The following CNTNAP3 variants were observed in gnomAD, a reference collection of about 807,000 sequenced individuals.
The protein encoded by CNTNAP3 is contactin-associated protein-like 3.
In CNTNAP3, 36 loss-of-function variants were observed where a neutral mutation model predicts 92.1. The observed-to-expected ratio is 0.39, with a 90% CI of 0.30 to 0.52. The LOEUF is 0.52. CNTNAP3 is among the 20% of genes least tolerant of loss of function. CNTNAP3 has a pLI of 0.76. For missense variants in CNTNAP3, 534 were observed against 1,069.6 expected (o/e 0.50, Z 6.98); for synonymous variants, 232 against 422.3 (o/e 0.55, Z 5.53).
In CNTNAP3 at chr9:39,068,188, C is replaced by T. The variant is rs1825552965; in HGVS notation, c.*5702G>A. Among the ~76,000 whole-genome samples, 1 of 152,026 alleles carries T rather than the reference C, an allele frequency of 6.6e-6. No individual in the cohort carries two copies. The highest frequency in any genetic ancestry group is 2.1e-4 in the South Asian group (1 of 4,832). On this transcript the variant is annotated 3_prime_UTR_variant, in exon 24 of 24. Transcript: ENST00000297668. Reference sequence around the variant, plus strand: ...GCTGAGGTGGGCAGATCATGAGATCCAGAGATCGAGACCATCCTGGCTAAC... The same window carrying T: ...GCTGAGGTGGGCAGATCATGAGATCTAGAGATCGAGACCATCCTGGCTAAC...
intron 4 of CNTNAP3, among the ~76,000 whole-genome samples, chr9:39,179,391 CA>C (rs1206769365): frequency 2.3e-5 from 2 of 85,306 alleles, no homozygotes; most frequent in East Asian, 6.7e-4. Context: ...CCCTGTCTGA[CA>C]AAGGCACAGA....
chr9:39,134,139 C>T (rs566400035), intron 12 of CNTNAP3, among the ~76,000 whole-genome samples: 228 of 152,168 alleles, frequency 1.5e-3, no homozygotes, highest in African/African-American at 5.0e-3. Flanking sequence ...TACTTACACA[C>T]GCCTAACAAC....
At chr9:39,111,844 A>G (rs2201685) in intron 14 of CNTNAP3, among the ~76,000 whole-genome samples, 1 of 152,230 alleles carries the variant, frequency 6.6e-6, no homozygotes, top group East Asian at 1.9e-4. Context: ...AGATACTATA[A>G]TAAAGTCTTG....
intron 15 of CNTNAP3, among the ~76,000 whole-genome samples, chr9:39,104,422 A>T (rs1461455479): frequency 6.6e-6 from 1 of 151,818 alleles, no homozygotes; most frequent in Non-Finnish European, 1.5e-5. Flanking sequence ...GTAGTTGGAT[A>T]AATGACTCCA....
intron 15 of CNTNAP3, among the ~76,000 whole-genome samples, chr9:39,107,477 A>G (rs1386602529): frequency 2.0e-5 from 3 of 152,172 alleles, no homozygotes; most frequent in South Asian, 2.1e-4. Flanking sequence ...AAATTTCATA[A>G]GAGTTTTACA....
chr9:39,162,795 T>C (rs914710775), intron 9 of CNTNAP3, among the ~76,000 whole-genome samples: 2 of 146,696 alleles, frequency 1.4e-5, no homozygotes, highest in African/African-American at 5.3e-5. Flanking sequence ...AAGGGAACAA[T>C]AGACACCACA....
rs531611704 is a variant in CNTNAP3, at chr9:39,127,839, T to G, written c.2080+5093A>C. 5.1e-3 allele frequency among the ~76,000 whole-genome samples: 771 copies of G among 152,106 alleles called. 4 individuals carry two copies. Among genetic ancestry groups the G allele is most frequent in the African/African-American group, 0.016 (662 of 41,502 alleles). ...GGAGAATTCTTTTTGTTTTGTTTTG[T>G]TTTTGGTTTTTATTTTTGAGATGAA... On this transcript the variant is annotated intron_variant, in intron 13 of 23. Coordinates refer to ENST00000297668, the MANE Select transcript of CNTNAP3 (RefSeq NM_033655.5).
intron 13 of CNTNAP3, among the ~76,000 whole-genome samples, chr9:39,123,336 C>A (rs1303750741): frequency 6.6e-6 from 1 of 151,910 alleles, no homozygotes; most frequent in Admixed American, 6.6e-5. Context: ...ACTTGTGATC[C>A]GCCCGCCTCG....
At position 39,071,100 on chromosome 9, in the gene CNTNAP3, GAGC is replaced by G. The variant is rs1825627048; in HGVS notation, c.*2787_*2789del. Among the ~76,000 whole-genome samples the G allele has an allele frequency of 1.3e-5, 2 of 152,148 alleles. No homozygotes were observed. The highest frequency in any genetic ancestry group is 4.1e-4 in the South Asian group (2 of 4,832). On this transcript the variant is annotated 3_prime_UTR_variant, in exon 24 of 24. Coordinates refer to ENST00000297668, the MANE Select transcript of CNTNAP3 (RefSeq NM_033655.5). The stretch of plus-strand genomic sequence containing the variant: ...CTTTGTCTCATCTATAAAACTGAGG[GAGC>G]AGGTTAAAAAAATCTTACATGTTAA...
In CNTNAP3 at chr9:39,067,239, G is replaced by A. The variant is rs1825528575; in HGVS notation, c.*6651C>T. Among the ~76,000 whole-genome samples, 1 of 152,310 alleles carries A rather than the reference G, an allele frequency of 6.6e-6. No individual in the cohort carries two copies. Among genetic ancestry groups the A allele is most frequent in the African/African-American group, 2.4e-5 (1 of 41,488 alleles). On this transcript the variant is annotated 3_prime_UTR_variant, in exon 24 of 24. Transcript: ENST00000297668. ...TCACATCCTAATCTTTGAAAATACG[G>A]AATATAGTCATAATATTTTTCATTA...
In CNTNAP3 at chr9:39,266,879, GA is replaced by G; in HGVS notation, c.196+16del. 3.5e-4 allele frequency: 3 copies of G among 8,452 alleles called. No homozygotes were observed. The highest frequency in any genetic ancestry group is 4.7e-4 in the Non-Finnish European group (1 of 2,144). The allele number at this position is 8,452 out of a possible 1,614,324, so 0.5% of individuals were successfully genotyped here. On this transcript the variant is annotated intron_variant, in intron 2 of 23. Coordinates refer to ENST00000297668, the MANE Select transcript of CNTNAP3 (RefSeq NM_033655.5). ...GAGAGTCACCAAGGAGCAATACAAG[GA>G]AAAAGGCAGACTCACCATCTCTTCG...
Position 39,072,252 on chromosome 9 carries a change from C to T in CNTNAP3, c.*1638G>A. On this transcript the variant is annotated 3_prime_UTR_variant, in exon 24 of 24. Coordinates refer to ENST00000297668, the MANE Select transcript of CNTNAP3 (RefSeq NM_033655.5). ...AAATAACACATACGAATTTCCATAA[C>T]AAGATGGAAATTCATTTACGTAACA... 1.1e-5 allele frequency among the ~76,000 whole-genome samples: 1 copy of T among 89,638 alleles called. No individual in the cohort carries two copies. Among genetic ancestry groups the T allele is most frequent in the Middle Eastern group, 4.8e-3 (1 of 210 alleles). 58.8% of individuals were successfully genotyped at this position (89,638 alleles called of 152,430 possible).
intron 14 of CNTNAP3, among the ~76,000 whole-genome samples, chr9:39,114,031 TATATACACACACACACACACACAC>T (rs1563882264): frequency 3.0e-5 from 4 of 132,122 alleles, no homozygotes; most frequent in African/African-American, 1.2e-4. Flanking sequence ...TATACACACA[TATATACACACACACACACACACAC>T]ATATATATAT....
At position 39,118,272 on chromosome 9, in the gene CNTNAP3, T is replaced by C; in HGVS notation, c.2081-13A>G. The C allele has an allele frequency of 6.2e-7, 1 of 1,613,066 alleles. No individual in the cohort carries two copies. The highest frequency in any genetic ancestry group is 8.5e-7 in the Non-Finnish European group (1 of 1,179,656). On this transcript the variant is annotated splice_polypyrimidine_tract_variant and intron_variant, in intron 13 of 23. Coordinates refer to ENST00000297668, the MANE Select transcript of CNTNAP3 (RefSeq NM_033655.5). ...AGTGGGGTTCCATCTGAAAGACAAGTATAAGAAACATGACATCTACTTTGT... is the reference window on the plus strand; with the variant it reads ...AGTGGGGTTCCATCTGAAAGACAAGCATAAGAAACATGACATCTACTTTGT...
chr9:39,095,164 C>T (rs1826296911), intron 18 of CNTNAP3, among the ~76,000 whole-genome samples: 1 of 151,608 alleles, frequency 6.6e-6, no homozygotes, highest in Middle Eastern at 3.4e-3. Flanking sequence ...GAAATACAAC[C>T]AAATTTTTGG....
At chr9:39,194,781 CTTTTTTTTTTTTTTT>C (rs1170423558) in intron 3 of CNTNAP3, among the ~76,000 whole-genome samples, 809 of 1,276 alleles carry the variant, frequency 0.63, 395 homozygotes, top group Non-Finnish European at 0.93. Flanking sequence ...ATCATTTCAC[CTTTTTTTTTTTTTTT>C]TTTTTTTTTT....
At chr9:39,127,778 C>T (rs980565971) in intron 13 of CNTNAP3, among the ~76,000 whole-genome samples, 14 of 151,860 alleles carry the variant, frequency 9.2e-5, no homozygotes, top group Non-Finnish European at 2.1e-4. Context: ...TTTAAAATTA[C>T]TGAAAAAAAA....
Position 39,067,766 on chromosome 9 carries a change from A to T in CNTNAP3, c.*6124T>A, listed in dbSNP as rs1825541306. ...CTCAGAGATGCCAATTAGTTATTGGAAACGGTTTGATCTTTTTTTCCAAAT... is the reference window on the plus strand; with the variant it reads ...CTCAGAGATGCCAATTAGTTATTGGTAACGGTTTGATCTTTTTTTCCAAAT... On this transcript the variant is annotated 3_prime_UTR_variant, in exon 24 of 24. Transcript: ENST00000297668. Among the ~76,000 whole-genome samples the T allele has an allele frequency of 6.6e-6, 1 of 152,308 alleles. No individual in the cohort carries two copies. Among genetic ancestry groups the T allele is most frequent in the African/African-American group, 2.4e-5 (1 of 41,484 alleles).
At chr9:39,150,305 AGTGT>A (rs1821813527) in intron 9 of CNTNAP3, among the ~76,000 whole-genome samples, 1 of 140,800 alleles carries the variant, frequency 7.1e-6, no homozygotes. Context: ...AGCATTATGT[AGTGT>A]AAGTGAAAAA....
Sources: allele counts gnomAD v4.1 joint callset (sites outside exome capture counted in the v4.1 genomes callset), GRCh38; gene constraint gnomAD v4.1.1; transcripts MANE v1.5; gene names NCBI Gene and HGNC (gene_info 2026-07-23, HGNC 2026-07-21).